Variants in GALNTL6 observed in about 807,000 individuals in gnomAD.
GALNTL6 encodes polypeptide N-acetylgalactosaminyltransferase like 6.
GALNTL6 carries 46 observed loss-of-function variants against 73.7 expected under a neutral mutation model. The observed-to-expected ratio is 0.62, with a 90% CI of 0.49 to 0.80. The LOEUF (loss-of-function observed/expected upper bound fraction) is 0.80, where lower values mean the gene tolerates loss of function less well. Ranked by LOEUF, GALNTL6 falls within the 30% of genes least tolerant of loss-of-function variation. The pLI, the probability that GALNTL6 is intolerant of heterozygous loss-of-function variation, is 0.00. For missense variants in GALNTL6, 604 were observed against 755.0 expected, an observed-to-expected ratio of 0.80 and a Z score of 2.34; for synonymous variants, 259 against 263.7, an observed-to-expected ratio of 0.98 and a Z score of 0.17.
intron 7 of GALNTL6, among the ~76,000 whole-genome samples, chr4:172,877,809 T>C (rs916022259): frequency 6.6e-6 from 1 of 151,960 alleles, no homozygotes; most frequent in Non-Finnish European, 1.5e-5. Context: ...AACAGGTTTG[T>C]ATTAGTAGCA....
chr4:172,065,836 T>C (rs932841612), intron 2 of GALNTL6, among the ~76,000 whole-genome samples: 2 of 152,106 alleles, frequency 1.3e-5, no homozygotes, highest in Non-Finnish European at 2.9e-5. Context: ...AGGATTAGTG[T>C]CCAGTGAAGG....
intron 5 of GALNTL6, among the ~76,000 whole-genome samples, chr4:172,739,916 G>C (rs1174418282): frequency 6.6e-6 from 1 of 150,998 alleles, no homozygotes; most frequent in Non-Finnish European, 1.5e-5. Flanking sequence ...ATGAAAAAGA[G>C]CAGAGCTGTT....
chr4:171,934,441 CT>C (rs1738281611), intron 2 of GALNTL6, among the ~76,000 whole-genome samples: 1 of 152,088 alleles, frequency 6.6e-6, no homozygotes, highest in East Asian at 1.9e-4. Context: ...GGGTCTCATT[CT>C]CATTTCCATC....
chr4:172,630,456 G>A (rs1739345037), intron 5 of GALNTL6, among the ~76,000 whole-genome samples: 1 of 152,042 alleles, frequency 6.6e-6, no homozygotes, highest in Admixed American at 6.6e-5. Flanking sequence ...CTCCAGGGCA[G>A]TATCGGCAAG....
intron 2 of GALNTL6, among the ~76,000 whole-genome samples, chr4:172,187,371 C>G (rs1735445793): frequency 6.6e-6 from 1 of 152,114 alleles, no homozygotes; most frequent in Non-Finnish European, 1.5e-5. Flanking sequence ...ACCACCTAGT[C>G]TATTCAACTG....
At chr4:172,223,939 C>T (rs987888944) in intron 2 of GALNTL6, among the ~76,000 whole-genome samples, 5 of 152,070 alleles carry the variant, frequency 3.3e-5, no homozygotes, top group Admixed American at 3.3e-4. Context: ...GTGTCTTCAA[C>T]ATATAAAAAG....
At chr4:172,633,645 G>A (rs1739513842) in intron 5 of GALNTL6, among the ~76,000 whole-genome samples, 1 of 152,218 alleles carries the variant, frequency 6.6e-6, no homozygotes, top group African/African-American at 2.4e-5. Context: ...GATCTATTGG[G>A]AAGGCATGAT....
intron 5 of GALNTL6, among the ~76,000 whole-genome samples, chr4:172,638,605 C>T (rs1377260775): frequency 3.3e-5 from 5 of 152,088 alleles, no homozygotes; most frequent in Admixed American, 1.3e-4. Flanking sequence ...AACACAGTTC[C>T]CATGTCTTCT....
At chr4:172,363,219 T>C (rs1257145543) in intron 5 of GALNTL6, among the ~76,000 whole-genome samples, 3 of 152,136 alleles carry the variant, frequency 2.0e-5, no homozygotes, top group African/African-American at 7.2e-5. Flanking sequence ...TATTAAATAA[T>C]GTTTTCACTA....
At chr4:171,817,583 A>G (rs1055021308) in intron 2 of GALNTL6, among the ~76,000 whole-genome samples, 1 of 151,676 alleles carries the variant, frequency 6.6e-6, no homozygotes, top group African/African-American at 2.4e-5. Flanking sequence ...TTTTTCTCTA[A>G]TCTACTGTCT....
chr4:172,609,713 G>A (rs1159947633), intron 5 of GALNTL6, among the ~76,000 whole-genome samples: 1 of 148,638 alleles, frequency 6.7e-6, no homozygotes, highest in Non-Finnish European at 1.5e-5. Context: ...CATGGAATAA[G>A]TTAAGGAGGT....
chr4:172,682,218 C>T (rs924145144), intron 5 of GALNTL6, among the ~76,000 whole-genome samples: 2 of 151,842 alleles, frequency 1.3e-5, no homozygotes, highest in East Asian at 3.9e-4. Context: ...ATTTGTTCTT[C>T]GTTATTATTT....
At chr4:172,672,326 T>C (rs1049055176) in intron 5 of GALNTL6, among the ~76,000 whole-genome samples, 2 of 152,262 alleles carry the variant, frequency 1.3e-5, no homozygotes, top group African/African-American at 4.8e-5. Context: ...GATTTGCATG[T>C]GCTGAACCAA....
At chr4:172,683,134 C>T (rs947073623) in intron 5 of GALNTL6, among the ~76,000 whole-genome samples, 8 of 152,132 alleles carry the variant, frequency 5.3e-5, no homozygotes, top group African/African-American at 1.7e-4. Context: ...GACGTTTTGG[C>T]CAAAGTCAGA....
At chr4:172,106,720 T>C (rs1016265032) in intron 2 of GALNTL6, among the ~76,000 whole-genome samples, 1 of 151,960 alleles carries the variant, frequency 6.6e-6, no homozygotes, top group African/African-American at 2.4e-5. Context: ...ATATTGTTGA[T>C]CTCTCCAACT....
chr4:172,436,457 C>A (rs1016971390), intron 5 of GALNTL6, among the ~76,000 whole-genome samples: 1 of 152,076 alleles, frequency 6.6e-6, no homozygotes. Flanking sequence ...GGGAGAGAAA[C>A]AGGTAAGTCC....
intron 2 of GALNTL6, among the ~76,000 whole-genome samples, chr4:171,893,281 A>T (rs540234625): frequency 3.9e-5 from 6 of 152,310 alleles, no homozygotes. Context: ...ATACTAGCTC[A>T]TATGCAACCT....
At chr4:172,998,818 T>G (rs1751910251) in intron 10 of GALNTL6, among the ~76,000 whole-genome samples, 1 of 152,122 alleles carries the variant, frequency 6.6e-6, no homozygotes, top group Admixed American at 6.6e-5. Flanking sequence ...TCAAAAAAAG[T>G]CATTCCCTGG....
intron 2 of GALNTL6, among the ~76,000 whole-genome samples, chr4:171,926,048 AT>A (rs1313609265): frequency 6.6e-6 from 1 of 152,148 alleles, no homozygotes; most frequent in Non-Finnish European, 1.5e-5. Flanking sequence ...AGATTAAAAA[AT>A]GTTAACCCTA....
Sources: gnomAD v4.1 joint callset for allele counts (sites outside exome capture counted in the v4.1 genomes callset) on GRCh38, gnomAD v4.1.1 for gene constraint, MANE v1.5 for transcripts, NCBI Gene and HGNC (gene_info 2026-07-23, HGNC 2026-07-21) for gene names.